PEAK1: variants seen among roughly 807,000 people sequenced by gnomAD.
PEAK1 encodes the protein inactive tyrosine-protein kinase PEAK1.
PEAK1 carries 54 observed loss-of-function variants against 124.7 expected under a neutral mutation model. That is an observed-to-expected ratio of 0.43 (90% CI 0.35 to 0.54). PEAK1 has a LOEUF of 0.54. Ranked by LOEUF, PEAK1 falls within the 20% of genes least tolerant of loss-of-function variation. PEAK1 has a pLI of 0.01. For synonymous variants in PEAK1, 719 were observed against 760.0 expected (o/e 0.95, Z 0.89); for missense variants, 2,046 against 2,134.5 (o/e 0.96, Z 0.82).
At chr15:77,237,956 G>C (rs1484577219) in intron 6 of PEAK1, among the ~76,000 whole-genome samples, 2 of 152,078 alleles carry the variant, frequency 1.3e-5, no homozygotes, top group Non-Finnish European at 2.9e-5. Flanking sequence ...TTTTCAAACT[G>C]ATTTGAGAGG....
At chr15:77,289,995 G>C (rs1321565588) in intron 2 of PEAK1, among the ~76,000 whole-genome samples, 1 of 151,968 alleles carries the variant, frequency 6.6e-6, no homozygotes, top group Non-Finnish European at 1.5e-5. Context: ...TTGAGACGGA[G>C]TCTCATTCTG....
intron 2 of PEAK1, chr15:77,347,832 A>C: frequency 2.0e-6 from 2 of 985,202 alleles, no homozygotes; most frequent in Non-Finnish European, 2.4e-6. Context: ...ACAGTGTTTA[A>C]GTTCAAAAGC....
intron 5 of PEAK1, among the ~76,000 whole-genome samples, chr15:77,269,297 T>A (rs1398232940): frequency 6.6e-6 from 1 of 152,088 alleles, no homozygotes; most frequent in African/African-American, 2.4e-5. Context: ...AGGACTCACA[T>A]AAAGCTAAGG....
At chr15:77,255,213 C>A (rs1407712245) in intron 5 of PEAK1, 1 of 252,816 alleles carries the variant, frequency 4.0e-6, no homozygotes, top group Non-Finnish European at 6.2e-6. Flanking sequence ...CAGTACCATG[C>A]CCAAAATTTA....
chr15:77,132,388 T>C (rs1044788568), intron 9 of PEAK1, among the ~76,000 whole-genome samples: 14 of 150,836 alleles, frequency 9.3e-5, no homozygotes, highest in African/African-American at 3.4e-4. Flanking sequence ...CCTGGCCAGG[T>C]TACCTACTTT....
intron 1 of PEAK1, chr15:77,404,355 G>A (rs2071625361): frequency 1.0e-6 from 1 of 983,276 alleles, no homozygotes; most frequent in African/African-American, 1.7e-5. Context: ...GCCACCTGTG[G>A]CTACGAAGCA....
At chr15:77,337,530 CAGAAGATAAGATGT>C in intron 2 of PEAK1, 1 of 985,114 alleles carries the variant, frequency 1.0e-6, no homozygotes, top group Non-Finnish European at 1.2e-6. Flanking sequence ...AAATACCAAA[CAGAAGATAAGATGT>C]AGTCTGGCAG....
chr15:77,226,286 T>A (rs1320447305), intron 6 of PEAK1, among the ~76,000 whole-genome samples: 1 of 149,780 alleles, frequency 6.7e-6, no homozygotes. Context: ...AAAGAAAATC[T>A]GAAACATTAT....
At chr15:77,313,646 GTA>G (rs1310220330) in intron 2 of PEAK1, among the ~76,000 whole-genome samples, 6,040 of 105,914 alleles carry the variant, frequency 0.057, 161 homozygotes, top group Non-Finnish European at 0.076. Context: ...ATGTATGTAT[GTA>G]TGTATGTGTG....
chr15:77,312,118 G>A (rs892605343), intron 2 of PEAK1, among the ~76,000 whole-genome samples: 7 of 152,050 alleles, frequency 4.6e-5, no homozygotes, highest in Admixed American at 1.3e-4. Context: ...AACAGGGCGT[G>A]GGGAGTTAGA....
chr15:77,231,405 G>A (rs958558820), intron 6 of PEAK1, among the ~76,000 whole-genome samples: 2 of 152,166 alleles, frequency 1.3e-5, no homozygotes, highest in African/African-American at 2.4e-5. Context: ...TTTCAAGACA[G>A]GTGCAAATTG....
chr15:77,350,212 A>C, intron 2 of PEAK1: 1 of 985,468 alleles, frequency 1.0e-6, no homozygotes, highest in Non-Finnish European at 1.2e-6. Flanking sequence ...GGTAGGTGAG[A>C]ACACAAAAGA....
At chr15:77,152,722 C>A (rs111373563) in intron 8 of PEAK1, among the ~76,000 whole-genome samples, 1 of 152,088 alleles carries the variant, frequency 6.6e-6, no homozygotes, top group Non-Finnish European at 1.5e-5. Context: ...TTGTCAAAGG[C>A]CTTTTCTGTA....
chr15:77,207,895 T>A (rs1174387218), intron 6 of PEAK1, among the ~76,000 whole-genome samples: 1 of 152,168 alleles, frequency 6.6e-6, no homozygotes, highest in Non-Finnish European at 1.5e-5. Context: ...CAGTTAGGCT[T>A]CCAATTTTTC....
intron 1 of PEAK1, among the ~76,000 whole-genome samples, chr15:77,399,140 T>C (rs146351325): frequency 2.0e-5 from 3 of 152,222 alleles, no homozygotes; most frequent in African/African-American, 7.2e-5. Context: ...ATATACCATG[T>C]TCATGGATTG....
intron 5 of PEAK1, among the ~76,000 whole-genome samples, chr15:77,279,590 C>T (rs542965789): frequency 5.3e-5 from 8 of 152,212 alleles, no homozygotes; most frequent in South Asian, 2.1e-4. Flanking sequence ...GAGTCAGGAT[C>T]GGCTCGTGAA....
At chr15:77,126,492 T>C (rs774050959) in intron 9 of PEAK1, among the ~76,000 whole-genome samples, 1 of 152,192 alleles carries the variant, frequency 6.6e-6, no homozygotes, top group African/African-American at 2.4e-5. Context: ...CTATCTAATA[T>C]GCTCAAGCCA....
intron 2 of PEAK1, chr15:77,336,319 C>T (rs2066196093): frequency 5.1e-6 from 5 of 985,402 alleles, no homozygotes; most frequent in African/African-American, 3.5e-5. Flanking sequence ...TTACTTGCAA[C>T]GAGGGCTCAC....
chr15:77,194,778 G>A lies in PEAK1; in HGVS notation c.-114-12738C>T, dbSNP rs187475750. Among the ~76,000 whole-genome samples, 714 of 152,294 alleles carry A rather than the reference G, an allele frequency of 4.7e-3. 4 individuals are homozygous for A. The highest frequency in any genetic ancestry group is 7.0e-3 in the Non-Finnish European group (473 of 68,020). ...AGGAGACAGCAGCATTCAGACAGAAGTGGCAAGTGACAAGTGACTACCTGA... is the reference window on the plus strand; with the variant it reads ...AGGAGACAGCAGCATTCAGACAGAAATGGCAAGTGACAAGTGACTACCTGA... On this transcript the variant is annotated intron_variant, in intron 6 of 9. Coordinates refer to ENST00000682557, the MANE Select transcript of PEAK1 (RefSeq NM_001385026.1).
Sources: gnomAD v4.1 joint callset for allele counts (sites outside exome capture counted in the v4.1 genomes callset) on GRCh38, gnomAD v4.1.1 for gene constraint, MANE v1.5 for transcripts, NCBI Gene and HGNC (gene_info 2026-07-23, HGNC 2026-07-21) for gene names.